The following TCF4 variants were observed in gnomAD, a reference collection of about 807,000 sequenced individuals.
TCF4 encodes transcription factor 4.
In TCF4, 3 loss-of-function variants were observed where a neutral mutation model predicts 82.1. That is an observed-to-expected ratio of 0.04 (90% CI 0.02 to 0.09). The LOEUF is 0.09. Ranked by LOEUF, TCF4 falls within the 10% of genes least tolerant of loss-of-function variation. The pLI is 1.00. For missense variants in TCF4, 518 were observed against 852.7 expected, an observed-to-expected ratio of 0.61 and a Z score of 4.89; for synonymous variants, 276 against 309.6, an observed-to-expected ratio of 0.89 and a Z score of 1.14.
At chr18:55,537,403 A>G (rs1297141055) in intron 3 of TCF4, among the ~76,000 whole-genome samples, 1 of 152,098 alleles carries the variant, frequency 6.6e-6, no homozygotes, top group East Asian at 1.9e-4. Flanking sequence ...CAGCCTGGGC[A>G]ACATGGCGAA....
At chr18:55,486,334 G>A (rs1299454683) in intron 3 of TCF4, among the ~76,000 whole-genome samples, 1 of 152,156 alleles carries the variant, frequency 6.6e-6, no homozygotes, top group Non-Finnish European at 1.5e-5. Context: ...CATGCTGCCT[G>A]TAATCCCAGC....
chr18:55,301,342 G>A (rs997433785), intron 8 of TCF4, among the ~76,000 whole-genome samples: 1 of 152,118 alleles, frequency 6.6e-6, no homozygotes, highest in East Asian at 1.9e-4. Context: ...TACGGCTCTC[G>A]CCTCTGCATG....
At position 55,275,580 on chromosome 18, in the gene TCF4, T is replaced by C. The variant is rs189454938; in HGVS notation, c.789+39A>G. On this transcript the variant is annotated intron_variant, in intron 10 of 19. Transcript: ENST00000354452. ...AGACAGAGGACGAGGTTTAATCAAC[T>C]AGCTGTGACATTCCCGTTACCGTGT... 733 of 1,613,376 alleles carry C rather than the reference T, an allele frequency of 4.5e-4. 1 individual carries two copies. Among genetic ancestry groups the C allele is most frequent in the Middle Eastern group, 5.0e-4 (3 of 5,946 alleles).
At position 55,559,062 on chromosome 18, in the gene TCF4, G is replaced by C. The variant is rs564756900; in HGVS notation, c.145+26218C>G. 2.2e-5 allele frequency among the ~76,000 whole-genome samples: 3 copies of C among 139,086 alleles called. No individual in the cohort carries two copies. The South Asian group carries it at 6.8e-4, about 31-fold the overall frequency. 91.2% of individuals were successfully genotyped at this position (139,086 alleles called of 152,430 possible). A position where few individuals can be genotyped will look rare whatever the true frequency, so the allele number is the denominator to read the frequency against. ...CCCCTAAAAAAAAAAAAAAAAATCA[G>C]TCTGATCAAGGATCAATCCATACAC... is the stretch of plus-strand genomic sequence containing the variant. On this transcript the variant is annotated intron_variant, in intron 3 of 19. Transcript: ENST00000354452.
intron 5 of TCF4, among the ~76,000 whole-genome samples, chr18:55,435,885 T>C (rs2095319497): frequency 6.6e-6 from 1 of 152,134 alleles, no homozygotes; most frequent in Non-Finnish European, 1.5e-5. Context: ...ACATCCTGTG[T>C]CTTACAGCAG....
chr18:55,492,952 C>A (rs2096591375), intron 3 of TCF4, among the ~76,000 whole-genome samples: 1 of 152,186 alleles, frequency 6.6e-6, no homozygotes, highest in South Asian at 2.1e-4. Flanking sequence ...CCAACACCTC[C>A]ACCCACAAAG....
intron 3 of TCF4, among the ~76,000 whole-genome samples, chr18:55,538,025 C>T (rs1568345998): frequency 2.3e-5 from 3 of 132,612 alleles, no homozygotes; most frequent in South Asian, 5.5e-4. Flanking sequence ...TCTGCGCGCG[C>T]GCACACACAC....
intron 5 of TCF4, among the ~76,000 whole-genome samples, chr18:55,420,899 G>GAA (rs377458803): frequency 5.9e-5 from 6 of 101,390 alleles, no homozygotes; most frequent in African/African-American, 1.1e-4. Flanking sequence ...CGCTTTAAAA[G>GAA]AAAAAAAAAA....
intron 3 of TCF4, chr18:55,550,511 C>T (rs936676284): frequency 6.6e-6 from 1 of 152,156 alleles, no homozygotes; most frequent in Admixed American, 6.5e-5. Flanking sequence ...TTAGTAGGTA[C>T]AAATATTTCA....
In TCF4 at chr18:55,223,947, AAAG is replaced by A. The variant is rs1200888997; in HGVS notation, c.*4085_*4087del. ...ACTCATAATGATTCCAAAAATCTAC[AAAG>A]AAGAAATATTCAGAATCTGACAATT... On this transcript the variant is annotated 3_prime_UTR_variant, in exon 20 of 20. Transcript: ENST00000354452. 30 of 152,280 alleles carry A rather than the reference AAAG, an allele frequency of 2.0e-4. No individual in the cohort carries two copies. The highest frequency in any genetic ancestry group is 6.0e-4 in the African/African-American group (25 of 41,572). 9.4% of individuals were successfully genotyped at this position (152,280 alleles called of 1,614,324 possible). A position where few individuals can be genotyped will look rare whatever the true frequency, so the allele number is the denominator to read the frequency against.
In TCF4 at chr18:55,503,260, T is replaced by C. The variant is rs9957721; in HGVS notation, c.146-39123A>G. On this transcript the variant is annotated intron_variant, in intron 3 of 19. Coordinates refer to ENST00000354452, the MANE Select transcript of TCF4 (RefSeq NM_001083962.2). ...TATCAGAAATAAAAACATTCTATCA[T>C]CATGCATTCCTGAAAATTCGAAGTT... Among the ~76,000 whole-genome samples, 1,159 of 152,304 alleles carry C rather than the reference T, an allele frequency of 7.6e-3. 13 individuals carry two copies. The highest frequency in any genetic ancestry group is 0.027 in the African/African-American group (1,114 of 41,546).
At chr18:55,282,012 G>A (rs1248546046) in intron 8 of TCF4, among the ~76,000 whole-genome samples, 1 of 151,624 alleles carries the variant, frequency 6.6e-6, no homozygotes, top group Non-Finnish European at 1.5e-5. Flanking sequence ...AATAGGCAAC[G>A]GACCACTGTT....
chr18:55,519,965 GT>G (rs2096919555), intron 3 of TCF4, among the ~76,000 whole-genome samples: 1 of 152,178 alleles, frequency 6.6e-6, no homozygotes, highest in African/African-American at 2.4e-5. Context: ...TGAAAATTCA[GT>G]TTAGTGCTAT....
At chr18:55,602,680 A>G (rs901834604) in intron 2 of TCF4, among the ~76,000 whole-genome samples, 1 of 152,196 alleles carries the variant, frequency 6.6e-6, no homozygotes. Context: ...ATGCTAATCA[A>G]TCATTTACTC....
intron 2 of TCF4, among the ~76,000 whole-genome samples, chr18:55,604,144 T>C (rs2097700007): frequency 6.6e-6 from 1 of 152,176 alleles, no homozygotes; most frequent in Non-Finnish European, 1.5e-5. Context: ...TTAACAACAA[T>C]GATTTTTTAA....
At chr18:55,361,467 A>G (rs949577370) in intron 6 of TCF4, among the ~76,000 whole-genome samples, 1 of 151,878 alleles carries the variant, frequency 6.6e-6, no homozygotes, top group African/African-American at 2.4e-5. Context: ...TTCCCTAATT[A>G]CTCTCTTGCT....
chr18:55,532,999 T>C (rs2146763821), intron 3 of TCF4, among the ~76,000 whole-genome samples: 1 of 152,288 alleles, frequency 6.6e-6, no homozygotes, highest in Middle Eastern at 3.4e-3. Context: ...TGTAGTTATA[T>C]GACATAAGTG....
At chr18:55,413,153 C>T (rs1311969923) in intron 5 of TCF4, among the ~76,000 whole-genome samples, 2 of 152,056 alleles carry the variant, frequency 1.3e-5, no homozygotes, top group South Asian at 2.1e-4. Context: ...ATGTTATATA[C>T]GGTATATAGA....
intron 3 of TCF4, among the ~76,000 whole-genome samples, chr18:55,525,572 C>A (rs138950288): frequency 3.3e-5 from 5 of 152,220 alleles, no homozygotes; most frequent in African/African-American, 1.2e-4. Flanking sequence ...TTAAATAATT[C>A]ATTAAAAACT....
Sources: allele counts gnomAD v4.1 joint callset (sites outside exome capture counted in the v4.1 genomes callset), GRCh38; gene constraint gnomAD v4.1.1; transcripts MANE v1.5; gene names NCBI Gene and HGNC (gene_info 2026-07-23, HGNC 2026-07-21).